SAMD12: variants seen among roughly 807,000 people sequenced by gnomAD.
SAMD12 encodes the protein sterile alpha motif domain containing 12.
Under a neutral mutation model 15.0 loss-of-function variants are expected in SAMD12, and 9 were observed. The observed-to-expected ratio is 0.60, with a 90% CI of 0.36 to 1.05. The LOEUF is 1.05. SAMD12 is among the 50% of genes least tolerant of loss of function. SAMD12 has a pLI of 0.01. For missense variants in SAMD12, 230 were observed against 234.2 expected (o/e 0.98, Z 0.12); for synonymous variants, 86 against 90.1 (o/e 0.96, Z 0.25).
At chr8:118,169,469 G>T in the SAMD12 span, among the ~76,000 whole-genome samples, 2 of 152,178 alleles carry the variant, frequency 1.3e-5, no homozygotes, top group African/African-American at 4.8e-5. Flanking sequence ...TTTCAAAATT[G>T]CATGTTGGGG....
At chr8:118,141,881 C>T in the SAMD12 span, among the ~76,000 whole-genome samples, 1 of 152,210 alleles carries the variant, frequency 6.6e-6, no homozygotes, top group Non-Finnish European at 1.5e-5. Context: ...GCTAGGGTCC[C>T]ACCTTAGTCC....
exon 5 of SAMD12, chr8:118,195,863 A>T (rs1819543499): frequency 6.6e-6 from 1 of 152,462 alleles, no homozygotes; most frequent in South Asian, 2.1e-4. Flanking sequence ...ACTGAACCAC[A>T]TGAGATGGGC....
At chr8:118,199,282 T>G (rs1382933187) in intron 4 of SAMD12, among the ~76,000 whole-genome samples, 1 of 152,222 alleles carries the variant, frequency 6.6e-6, no homozygotes, top group Non-Finnish European at 1.5e-5. Flanking sequence ...CACTCACTAA[T>G]ACTACCTTGA....
At chr8:118,413,059 C>A (rs1319915491) in intron 3 of SAMD12, among the ~76,000 whole-genome samples, 1 of 152,060 alleles carries the variant, frequency 6.6e-6, no homozygotes, top group Non-Finnish European at 1.5e-5. Flanking sequence ...GGGCAAGAAG[C>A]AAAGCAGAGG....
chr8:118,235,583 T>C (rs1812411968), intron 4 of SAMD12, among the ~76,000 whole-genome samples: 1 of 152,190 alleles, frequency 6.6e-6, no homozygotes, highest in Non-Finnish European at 1.5e-5. Context: ...CAATCAAATG[T>C]CAATCTTACT....
intron 2 of SAMD12, among the ~76,000 whole-genome samples, chr8:118,536,778 C>T (rs188948536): frequency 6.6e-5 from 10 of 152,138 alleles, no homozygotes; most frequent in Admixed American, 5.2e-4. Flanking sequence ...ATCTTTCAGT[C>T]TTTCTACTCA....
chr8:118,379,339 CT>C lies in SAMD12; in HGVS notation c.*77del. 1 of 1,530,242 alleles carries C rather than the reference CT, an allele frequency of 6.5e-7. No individual in the cohort carries two copies. Among genetic ancestry groups the C allele is most frequent in the Non-Finnish European group, 8.8e-7 (1 of 1,142,316 alleles). 94.8% of individuals were successfully genotyped at this position (1,530,242 alleles called of 1,614,324 possible). The stretch of plus-strand genomic sequence containing the variant: ...CACCTTGAAGTTAGCTCAGGTAATT[CT>C]GTTTGCTCATCCATTACTTATTTGT... On this transcript the variant is annotated 3_prime_UTR_variant, in exon 4 of 4. Coordinates refer to ENST00000314727, the MANE Select transcript of SAMD12 (RefSeq NM_207506.3).
At chr8:118,598,359 A>G (rs1827775015) in intron 1 of SAMD12, among the ~76,000 whole-genome samples, 1 of 152,230 alleles carries the variant, frequency 6.6e-6, no homozygotes, top group Non-Finnish European at 1.5e-5. Flanking sequence ...TGTCCTTACA[A>G]GAAGGGGAAG....
intron 2 of SAMD12, among the ~76,000 whole-genome samples, chr8:118,480,771 T>C (rs1415533810): frequency 1.3e-5 from 2 of 152,190 alleles, no homozygotes; most frequent in South Asian, 2.1e-4. Flanking sequence ...CAAGGCTGCA[T>C]GTGATGACCC....
chr8:118,255,718 T>G (rs1426605819), intron 4 of SAMD12, among the ~76,000 whole-genome samples: 2 of 151,772 alleles, frequency 1.3e-5, no homozygotes, highest in Non-Finnish European at 2.9e-5. Context: ...TATTCCATGG[T>G]GTATATGTGC....
chr8:118,446,517 T>C (rs1822917492), intron 2 of SAMD12, among the ~76,000 whole-genome samples: 1 of 152,218 alleles, frequency 6.6e-6, no homozygotes, highest in South Asian at 2.1e-4. Flanking sequence ...GATTATTTTT[T>C]CTTTTCTTCT....
chr8:118,574,319 C>T (rs947664814), intron 2 of SAMD12, among the ~76,000 whole-genome samples: 8 of 152,236 alleles, frequency 5.3e-5, no homozygotes, highest in African/African-American at 1.9e-4. Flanking sequence ...TCTTCGTCCA[C>T]TAGACAAATA....
intron 1 of SAMD12, among the ~76,000 whole-genome samples, chr8:118,600,452 G>A (rs1563605789): frequency 6.6e-6 from 1 of 152,116 alleles, no homozygotes; most frequent in African/African-American, 2.4e-5. Context: ...AATATTTCAG[G>A]CTTTGCAGAC....
chr8:118,192,457 C>T (rs1819432854), exon 5 of SAMD12: 1 of 152,134 alleles, frequency 6.6e-6, no homozygotes, highest in Admixed American at 6.5e-5. Context: ...TTAGTATCTC[C>T]AGTGATGGAT....
intron 2 of SAMD12, among the ~76,000 whole-genome samples, chr8:118,575,522 G>C (rs866759500): frequency 2.0e-5 from 3 of 152,140 alleles, no homozygotes; most frequent in Non-Finnish European, 4.4e-5. Context: ...ATTAGACATA[G>C]AGAGTTACAT....
intron 2 of SAMD12, among the ~76,000 whole-genome samples, chr8:118,530,435 T>C (rs1452241341): frequency 6.6e-6 from 1 of 152,208 alleles, no homozygotes; most frequent in Non-Finnish European, 1.5e-5. Flanking sequence ...GTGTACTCAA[T>C]GTCTAGCTCC....
At chr8:118,323,543 C>T (rs983069497) in intron 4 of SAMD12, among the ~76,000 whole-genome samples, 1 of 151,998 alleles carries the variant, frequency 6.6e-6, no homozygotes, top group African/African-American at 2.4e-5. Flanking sequence ...GGGTGGATTG[C>T]TTGAAGCCAG....
chr8:118,589,154 G>C (rs1245098780), intron 1 of SAMD12, among the ~76,000 whole-genome samples: 1 of 152,126 alleles, frequency 6.6e-6, no homozygotes, highest in African/African-American at 2.4e-5. Context: ...GAGAAAGACA[G>C]GGGAAGAAAC....
intron 4 of SAMD12, among the ~76,000 whole-genome samples, chr8:118,199,773 C>T (rs1220953230): frequency 6.6e-6 from 1 of 152,166 alleles, no homozygotes; most frequent in Admixed American, 6.5e-5. Flanking sequence ...CTTATCATTG[C>T]CCAATCCTCT....
Sources: gnomAD v4.1 joint callset for allele counts (sites outside exome capture counted in the v4.1 genomes callset) on GRCh38, gnomAD v4.1.1 for gene constraint, MANE v1.5 for transcripts, NCBI Gene and HGNC (gene_info 2026-07-23, HGNC 2026-07-21) for gene names.